The following ADAMTS3 variants were observed in gnomAD, a reference collection of about 807,000 sequenced individuals.
The protein encoded by ADAMTS3 is A disintegrin and metalloproteinase with thrombospondin motifs 3.
A neutral mutation model predicts 129.0 loss-of-function variants in ADAMTS3; 73 were observed. The ratio of observed to expected loss-of-function variants is 0.57; its 90% confidence interval spans 0.47 to 0.69. The LOEUF (loss-of-function observed/expected upper bound fraction) is 0.69. ADAMTS3 is among the 30% of genes least tolerant of loss of function. ADAMTS3 has a pLI of 0.00. For synonymous variants in ADAMTS3, 477 were observed against 510.8 expected (o/e 0.93, Z 0.89); for missense variants, 1,457 against 1,514.5 (o/e 0.96, Z 0.63).
Position 72,283,637 on chromosome 4 carries a change from T to C in ADAMTS3, c.3117A>G (p.Ile1039Met). 2 of 1,613,804 alleles carry C rather than the reference T, an allele frequency of 1.2e-6. No individual in the cohort carries two copies. Among genetic ancestry groups the C allele is most frequent in the Non-Finnish European group, 1.7e-6 (2 of 1,179,862 alleles). ...CACAACATAACTTGTTATAACCTGG[T>C]ATGGAGCAGTATCGTGCCAACACTT... The part of the protein sequence containing the change: ...QMEVLARYCS[I>M]PGYNKLCCES... Residue 1039 changes from isoleucine (I) to methionine (M), a missense_variant, in exon 22 of 22, where the codon ATA (isoleucine) becomes ATG (methionine). Ile to Met is a conservative substitution (Grantham distance 10, BLOSUM62 1). Transcript: ENST00000286657.
At chr4:72,520,747 C>T (rs1038751856) in intron 3 of ADAMTS3, among the ~76,000 whole-genome samples, 2 of 152,108 alleles carry the variant, frequency 1.3e-5, no homozygotes, top group African/African-American at 2.4e-5. Context: ...TATCTGTCAC[C>T]CCTTTCCTTG....
rs117614274 is a variant in ADAMTS3 at position 72,383,955 on chromosome 4, G to T, written c.661+30860C>A. Among the ~76,000 whole-genome samples, 14 of 151,870 alleles carry T rather than the reference G, an allele frequency of 9.2e-5. No homozygotes were observed. The East Asian group carries it at 2.3e-3, about 25-fold the overall frequency. ...TTATAACGAATGAGCAAGTAGAAAA[G>T]CTCAACAGACAATTAAAAATAACTA... is the stretch of plus-strand genomic sequence containing the variant. On this transcript the variant is annotated intron_variant, in intron 4 of 21. Transcript: ENST00000286657.
chr4:72,480,417 T>C (rs1276839191), intron 3 of ADAMTS3, among the ~76,000 whole-genome samples: 1 of 152,002 alleles, frequency 6.6e-6, no homozygotes, highest in Non-Finnish European at 1.5e-5. Flanking sequence ...AAATTGGAAA[T>C]CATCCTTCTC....
At chr4:72,429,002 A>C (rs1023983408) in intron 3 of ADAMTS3, among the ~76,000 whole-genome samples, 1 of 152,056 alleles carries the variant, frequency 6.6e-6, no homozygotes, top group Non-Finnish European at 1.5e-5. Flanking sequence ...AACCTCAGAG[A>C]CTTTTCCATG....
At chr4:72,421,277 C>T (rs1560509561) in intron 3 of ADAMTS3, among the ~76,000 whole-genome samples, 1 of 152,218 alleles carries the variant, frequency 6.6e-6, no homozygotes, top group Non-Finnish European at 1.5e-5. Context: ...CACTCTCTAT[C>T]CTAACTTTTT....
chr4:72,506,077 T>C (rs1413426360), intron 3 of ADAMTS3, among the ~76,000 whole-genome samples: 1 of 152,168 alleles, frequency 6.6e-6, no homozygotes, highest in Non-Finnish European at 1.5e-5. Flanking sequence ...CACAGAAAGA[T>C]GCGGTGACTC....
chr4:72,566,906 A>G (rs763821901), intron 2 of ADAMTS3, among the ~76,000 whole-genome samples: 1 of 152,246 alleles, frequency 6.6e-6, no homozygotes, highest in African/African-American at 2.4e-5. Flanking sequence ...ATTGAATAAC[A>G]GAAGTCATCA....
At chr4:72,501,434 A>G (rs1266080012) in intron 3 of ADAMTS3, among the ~76,000 whole-genome samples, 1 of 152,150 alleles carries the variant, frequency 6.6e-6, no homozygotes, top group African/African-American at 2.4e-5. Context: ...TTATTGATAT[A>G]TAGAAATGCT....
intron 4 of ADAMTS3, 46 bp from the exon 5 acceptor site, chr4:72,339,739 G>T: frequency 1.3e-6 from 2 of 1,491,274 alleles, no homozygotes; most frequent in Non-Finnish European, 1.9e-6. Flanking sequence ...TCCCTAACAG[G>T]CCTTCCAATC....
intron 3 of ADAMTS3, among the ~76,000 whole-genome samples, chr4:72,457,453 TA>T (rs1048302048): frequency 6.6e-5 from 10 of 151,850 alleles, no homozygotes; most frequent in African/African-American, 2.4e-4. Context: ...TTCTTTGAAC[TA>T]GTTACATTTT....
chr4:72,295,090 A>C lies in ADAMTS3; in HGVS notation c.2723+564T>G, dbSNP rs150906521. Among the ~76,000 whole-genome samples, 391 of 152,204 alleles carry C rather than the reference A, an allele frequency of 2.6e-3. 5 individuals carry two copies. Among genetic ancestry groups the C allele is most frequent in the Middle Eastern group, 0.014 (4 of 294 alleles). ...TTAGGGAAAAGTAGTAGAAGATCAA[A>C]TACATAAAATCAAAATATTCATTTA... is the stretch of plus-strand genomic sequence containing the variant. On this transcript the variant is annotated intron_variant, in intron 19 of 21. Transcript: ENST00000286657.
intron 3 of ADAMTS3, among the ~76,000 whole-genome samples, chr4:72,530,849 T>C (rs1337049112): frequency 3.9e-5 from 5 of 126,632 alleles, no homozygotes; most frequent in Admixed American, 2.2e-4. Flanking sequence ...ATATAATATA[T>C]AATATTTTAT....
In ADAMTS3 at chr4:72,568,822, C is replaced by A; in HGVS notation, c.-60G>T. The A allele has an allele frequency of 2.5e-6, 3 of 1,181,904 alleles. No homozygotes were observed. Among genetic ancestry groups the A allele is most frequent in the East Asian group, 3.1e-5 (1 of 31,916 alleles). 73.2% of individuals were successfully genotyped at this position (1,181,904 alleles called of 1,614,324 possible). A position where few individuals can be genotyped will look rare whatever the true frequency, so the allele number is the denominator to read the frequency against. On this transcript the variant is annotated 5_prime_UTR_variant, in exon 1 of 22. Transcript: ENST00000286657. ...AGCAAATGCCCAGAGCAAACCCACC[C>A]CCCCCGCCCAAAATAAGTTTCTTTA...
At chr4:72,531,052 T>C (rs1721029241) in intron 3 of ADAMTS3, among the ~76,000 whole-genome samples, 1 of 151,462 alleles carries the variant, frequency 6.6e-6, no homozygotes, top group Non-Finnish European at 1.5e-5. Flanking sequence ...GCAGCTTCTA[T>C]GTGAAGAAGG....
At position 72,298,114 on chromosome 4, in the gene ADAMTS3, G is replaced by C. The variant is rs980846228; in HGVS notation, c.2590+163C>G. ...GTTATGAAAGGAATCCTATGATTTGGTGATTCTGAGATTTCAGTAAAAATG... is the reference window on the plus strand; with the variant it reads ...GTTATGAAAGGAATCCTATGATTTGCTGATTCTGAGATTTCAGTAAAAATG... On this transcript the variant is annotated intron_variant, in intron 18 of 21. Coordinates refer to ENST00000286657, the MANE Select transcript of ADAMTS3 (RefSeq NM_014243.3). The C allele has an allele frequency of 1.4e-4, 78 of 546,832 alleles. No homozygotes were observed. In the Middle Eastern group the frequency reaches 3.5e-3, roughly 24 times the overall value. The allele number at this position is 546,832 out of a possible 1,614,324, so 33.9% of individuals were successfully genotyped here.
rs1159698891 is a variant in ADAMTS3, at chr4:72,283,667, T to C, written c.3087A>G (p.Gln1029=). ...AGCAGTATCGTGCCAACACTTCCAT[T>C]TGACAGAATATGGACTTGTCTCCCA... ...PCLGDKSIFC[Q]MEVLARYCSI... The change falls in exon 22 of 22, where the codon CAA becomes CAG. Residue 1029 remains glutamine (Q), a synonymous_variant. Coordinates refer to ENST00000286657, the MANE Select transcript of ADAMTS3 (RefSeq NM_014243.3). The C allele has an allele frequency of 4.3e-6, 7 of 1,609,548 alleles. No individual in the cohort carries two copies. Among genetic ancestry groups the C allele is most frequent in the Non-Finnish European group, 2.5e-6 (3 of 1,177,492 alleles).
Position 72,442,572 on chromosome 4 carries a change from C to T in ADAMTS3, c.505-27601G>A, listed in dbSNP as rs1054755752. ...CACCAAGCCATTCAAGAAGGGTCCA[C>T]CTCCATGGCCCAAACACCTTCCACC... On this transcript the variant is annotated intron_variant, in intron 3 of 21. Transcript: ENST00000286657. Among the ~76,000 whole-genome samples the T allele has an allele frequency of 3.3e-5, 5 of 151,698 alleles. No homozygotes were observed. In the East Asian group the frequency reaches 5.9e-4, roughly 18 times the overall value.
chr4:72,506,051 C>A (rs774911992), intron 3 of ADAMTS3, among the ~76,000 whole-genome samples: 1 of 152,204 alleles, frequency 6.6e-6, no homozygotes, highest in African/African-American at 2.4e-5. Flanking sequence ...AGGGCACCCC[C>A]ATACCCAGAT....
intron 11 of ADAMTS3, among the ~76,000 whole-genome samples, chr4:72,315,443 C>T (rs920766411): frequency 6.6e-6 from 1 of 152,062 alleles, no homozygotes. Flanking sequence ...ATGAGGAAAA[C>T]GCAATGTGGC....
Sources: gnomAD v4.1 joint callset for allele counts (sites outside exome capture counted in the v4.1 genomes callset) on GRCh38, gnomAD v4.1.1 for gene constraint, MANE v1.5 for transcripts, NCBI Gene and HGNC (gene_info 2026-07-23, HGNC 2026-07-21) for gene names.